Variants in MALRD1 observed in about 807,000 individuals in gnomAD.
The protein encoded by MALRD1 is MAM and LDL receptor class A domain containing 1, also known as MAM and LDL-receptor class A domain-containing protein 1.
A neutral mutation model predicts 242.1 loss-of-function variants in MALRD1; 247 were observed. The ratio of observed to expected loss-of-function variants is 1.02; its 90% CI spans 0.92 to 1.13. The LOEUF is 1.13. Ranked by LOEUF, MALRD1 falls within the 50% of genes most tolerant of loss-of-function variation. The pLI is 0.00. For synonymous variants in MALRD1, 995 were observed against 866.6 expected, an observed-to-expected ratio of 1.15 and a Z score of -2.60; for missense variants, 2,989 against 2,533.1, an observed-to-expected ratio of 1.18 and a Z score of -3.86.
intron 2 of MALRD1, among the ~76,000 whole-genome samples, chr10:19,082,674 A>T (rs796494699): frequency 2.0e-5 from 3 of 151,770 alleles, no homozygotes; most frequent in African/African-American, 7.2e-5. Flanking sequence ...AAACCTGGAC[A>T]TTTAAAACAA....
At chr10:19,587,909 G>A (rs1837522376) in intron 33 of MALRD1, among the ~76,000 whole-genome samples, 1 of 66,422 alleles carries the variant, frequency 1.5e-5, no homozygotes, top group African/African-American at 3.3e-5. Flanking sequence ...CTTATCCTAG[G>A]TGTTTTTTTT....
intron 34 of MALRD1, among the ~76,000 whole-genome samples, chr10:19,602,768 C>T (rs1420293811): frequency 1.3e-5 from 2 of 152,108 alleles, no homozygotes; most frequent in Non-Finnish European, 2.9e-5. Context: ...GAGGAATCAC[C>T]ACACTGTCTT....
At position 19,645,054 on chromosome 10, in the gene MALRD1, A is replaced by T. The variant is rs573991047; in HGVS notation, c.6137+29131A>T. On this transcript the variant is annotated intron_variant, in intron 36 of 39. Coordinates refer to ENST00000454679, the MANE Select transcript of MALRD1 (RefSeq NM_001142308.3). ...TCAAATTCAAAGACATTATCAGATC[A>T]TTTTTCTTATTTTCTCATTTTCATA... is the stretch of plus-strand genomic sequence containing the variant. Among the ~76,000 whole-genome samples, 5 of 152,278 alleles carry T rather than the reference A, an allele frequency of 3.3e-5. No individual in the cohort carries two copies. The East Asian group carries it at 5.8e-4, about 18-fold the overall frequency.
intron 28 of MALRD1, among the ~76,000 whole-genome samples, chr10:19,392,007 C>T (rs934214287): frequency 2.6e-5 from 4 of 152,222 alleles, no homozygotes; most frequent in African/African-American, 9.6e-5. Context: ...GAAGAAGCAT[C>T]TGTCATCTAA....
At chr10:19,112,919 A>G (rs1836729886) in intron 5 of MALRD1, among the ~76,000 whole-genome samples, 1 of 152,170 alleles carries the variant, frequency 6.6e-6, no homozygotes, top group Non-Finnish European at 1.5e-5. Context: ...TTCTCACTCA[A>G]AAAGTTAAGA....
At chr10:19,457,638 AT>A (rs1835728031) in intron 29 of MALRD1, among the ~76,000 whole-genome samples, 1 of 151,474 alleles carries the variant, frequency 6.6e-6, no homozygotes, top group Non-Finnish European at 1.5e-5. Flanking sequence ...AGAATGTTGC[AT>A]TCCTAGCACA....
At chr10:19,594,008 C>T (rs138336651) in intron 33 of MALRD1, among the ~76,000 whole-genome samples, 155 of 152,238 alleles carry the variant, frequency 1.0e-3, no homozygotes, top group African/African-American at 3.5e-3. Flanking sequence ...AAAACCATAG[C>T]GGATCTCTAT....
At chr10:19,266,884 G>C (rs879784815) in intron 19 of MALRD1, among the ~76,000 whole-genome samples, 3 of 152,068 alleles carry the variant, frequency 2.0e-5, no homozygotes, top group South Asian at 4.1e-4. Flanking sequence ...ATATAGGAAT[G>C]ATGATTCCTT....
chr10:19,474,523 A>G (rs1589132173), intron 29 of MALRD1, among the ~76,000 whole-genome samples: 1 of 152,118 alleles, frequency 6.6e-6, no homozygotes, highest in Non-Finnish European at 1.5e-5. Context: ...CTGTTGAACA[A>G]TGTCTTCTGC....
At chr10:19,472,063 T>C (rs1311688954) in intron 29 of MALRD1, among the ~76,000 whole-genome samples, 2 of 152,016 alleles carry the variant, frequency 1.3e-5, no homozygotes, top group African/African-American at 4.8e-5. Context: ...GCTTTTATTA[T>C]GTTGAGTTAA....
intron 38 of MALRD1, among the ~76,000 whole-genome samples, chr10:19,713,218 A>G (rs1834224426): frequency 6.6e-6 from 1 of 152,190 alleles, no homozygotes. Flanking sequence ...TATTAGTCCA[A>G]CTTTCTTATT....
intron 37 of MALRD1, 43 bp from the exon 38 acceptor site, chr10:19,692,415 A>G (rs888764405): frequency 1.5e-5 from 23 of 1,531,186 alleles, no homozygotes; most frequent in Admixed American, 3.9e-5. Flanking sequence ...TCTCTAATAT[A>G]TTTCACTGCA....
intron 31 of MALRD1, among the ~76,000 whole-genome samples, chr10:19,506,667 T>C (rs1036407751): frequency 6.6e-6 from 1 of 152,162 alleles, no homozygotes; most frequent in Admixed American, 6.5e-5. Flanking sequence ...AAATATATTT[T>C]CTATTGGTTA....
At chr10:19,722,300 A>G (rs1834796561) in intron 38 of MALRD1, 1 of 152,144 alleles carries the variant, frequency 6.6e-6, no homozygotes, top group Non-Finnish European at 1.5e-5. Context: ...TTTTTAAATC[A>G]AAAGTAATGC....
At chr10:19,389,374 C>A (rs900347882) in intron 27 of MALRD1, 78 bp from the exon 28 acceptor site, 2 of 1,409,668 alleles carry the variant, frequency 1.4e-6, no homozygotes, top group Non-Finnish European at 9.8e-7. Flanking sequence ...TAATTAAAGA[C>A]CCTAACTATG....
intron 11 of MALRD1, among the ~76,000 whole-genome samples, chr10:19,151,969 A>C (rs1304912669): frequency 6.6e-6 from 1 of 152,118 alleles, no homozygotes; most frequent in Non-Finnish European, 1.5e-5. Flanking sequence ...AACGTTCCTA[A>C]GACACGTAAG....
intron 32 of MALRD1, among the ~76,000 whole-genome samples, chr10:19,557,158 G>A (rs180902873): frequency 6.6e-6 from 1 of 151,930 alleles, no homozygotes; most frequent in Admixed American, 6.6e-5. Context: ...TCTTATTTTT[G>A]AGTTTTTAAA....
intron 26 of MALRD1, among the ~76,000 whole-genome samples, chr10:19,353,544 G>A (rs1451456557): frequency 6.6e-6 from 1 of 152,134 alleles, no homozygotes; most frequent in Non-Finnish European, 1.5e-5. Context: ...CTAGATAAAT[G>A]TTTCCCAGTT....
At chr10:19,380,382 A>G (rs4626965) in intron 26 of MALRD1, among the ~76,000 whole-genome samples, 132,095 of 151,452 alleles carry the variant, frequency 0.87, 57,836 homozygotes, top group African/African-American at 0.92. Context: ...CTCTATTCTG[A>G]TGGAATTCCA....
Sources: allele counts gnomAD v4.1 joint callset (sites outside exome capture counted in the v4.1 genomes callset), GRCh38; gene constraint gnomAD v4.1.1; transcripts MANE v1.5; gene names NCBI Gene and HGNC (gene_info 2026-07-23, HGNC 2026-07-21).